Variants in KIF3B observed in about 807,000 individuals in gnomAD.
The protein encoded by KIF3B is kinesin-like protein KIF3B.
Under a neutral mutation model 74.3 loss-of-function variants are expected in KIF3B, and 38 were observed. The observed-to-expected ratio is 0.51, with a 90% CI of 0.39 to 0.67. KIF3B has a LOEUF of 0.67. KIF3B is among the 30% of genes least tolerant of loss of function. The pLI, the probability that KIF3B is intolerant of heterozygous loss-of-function variation, is 0.00. For synonymous variants in KIF3B, 326 were observed against 342.5 expected (o/e 0.95, Z 0.53); for missense variants, 649 against 932.0 (o/e 0.70, Z 3.95).
At chr20:32,320,038 G>A (rs539563675) in intron 5 of KIF3B, among the ~76,000 whole-genome samples, 4 of 152,008 alleles carry the variant, frequency 2.6e-5, no homozygotes, top group Admixed American at 2.0e-4. Context: ...GGGACTATAG[G>A]CATGTGCCAC....
At chr20:32,292,085 A>G (rs1475821085) in intron 1 of KIF3B, among the ~76,000 whole-genome samples, 1 of 151,724 alleles carries the variant, frequency 6.6e-6, no homozygotes, top group Non-Finnish European at 1.5e-5. Flanking sequence ...ACAGGCATAT[A>G]CCACCGCACC....
At chr20:32,324,945 C>T (rs958093383) in intron 5 of KIF3B, among the ~76,000 whole-genome samples, 3 of 152,100 alleles carry the variant, frequency 2.0e-5, no homozygotes, top group Non-Finnish European at 4.4e-5. Context: ...GCACGAGAAT[C>T]GCTTGAACCT....
chr20:32,294,055 G>A (rs1243931018), intron 1 of KIF3B, among the ~76,000 whole-genome samples: 2 of 152,102 alleles, frequency 1.3e-5, no homozygotes, highest in African/African-American at 2.4e-5. Context: ...GATTAAAAGA[G>A]GACTCACATT....
chr20:32,333,344 G>C lies in KIF3B; in HGVS notation c.*2025G>C, dbSNP rs556104168. The C allele has an allele frequency of 6.6e-6, 1 of 152,030 alleles. No homozygotes were observed. The allele number at this position is 152,030 out of a possible 1,614,324, so 9.4% of individuals were successfully genotyped here. ...GCAAATCTGAGAATTGAAAACTGCA[G>C]ATAACCGGCCGGGTATGGTGACTCA... is the stretch of plus-strand genomic sequence containing the variant. On this transcript the variant is annotated 3_prime_UTR_variant, in exon 9 of 9. Transcript: ENST00000375712.
Position 32,311,060 on chromosome 20 carries a change from T to C in KIF3B, c.1283T>C (p.Ile428Thr). ...AAACTGGAGATTGAGAAGCGGGCCATTGTAGAGGATCACAGCTTGGTTGCA... is the reference window on the plus strand; with the variant it reads ...AAACTGGAGATTGAGAAGCGGGCCACTGTAGAGGATCACAGCTTGGTTGCA... ...QEKLEIEKRA[I>T]VEDHSLVAEE... Residue 428 changes from isoleucine to threonine, a missense_variant, in exon 2 of 9, where the codon ATT (isoleucine) becomes ACT (threonine). This residue lies in a region of KIF3B where 363 missense variants were observed against 592.8 expected (regional missense o/e 0.61). Coordinates refer to ENST00000375712, the MANE Select transcript of KIF3B (RefSeq NM_004798.4). The C allele has an allele frequency of 6.2e-7, 1 of 1,613,422 alleles. No homozygotes were observed. Among genetic ancestry groups the C allele is most frequent in the South Asian group, 1.1e-5 (1 of 90,996 alleles).
At chr20:32,292,019 G>A (rs187343550) in intron 1 of KIF3B, among the ~76,000 whole-genome samples, 251 of 152,112 alleles carry the variant, frequency 1.7e-3, no homozygotes, top group Non-Finnish European at 2.5e-3. Context: ...GGCGGCTCAA[G>A]CAAACTCCTG....
chr20:32,287,353 G>T (rs555115233), intron 1 of KIF3B, among the ~76,000 whole-genome samples: 1 of 151,316 alleles, frequency 6.6e-6, no homozygotes, highest in Non-Finnish European at 1.5e-5. Flanking sequence ...ATAGGGTGTC[G>T]CTCCGTTGCC....
intron 1 of KIF3B, among the ~76,000 whole-genome samples, chr20:32,279,004 A>T (rs976551424): frequency 6.8e-6 from 1 of 146,820 alleles, no homozygotes; most frequent in African/African-American, 2.5e-5. Context: ...GCTCACTGCA[A>T]CCTCCGCCTC....
Position 32,327,637 on chromosome 20 carries a change from G to C in KIF3B, c.1944G>C (p.Met648Ile), listed in dbSNP as rs375576023. The change falls in exon 7 of 9, where the codon ATG (methionine) becomes ATC (isoleucine). Residue 648 changes from methionine (M) to isoleucine (I), a missense_variant. Coordinates refer to ENST00000375712, the MANE Select transcript of KIF3B (RefSeq NM_004798.4). ...PLSQHARMSM[M>I]IRPEARYRAE... is the part of the protein sequence containing the mutation. ...GCCAGCACGCAAGAATGTCCATGAT[G>C]ATTCGTCCAGAGGCCCGATATAGGG... 1 of 1,613,310 alleles carries C rather than the reference G, an allele frequency of 6.2e-7. No homozygotes were observed.
intron 5 of KIF3B, among the ~76,000 whole-genome samples, 191 bp downstream of exon 5, chr20:32,317,065 G>A (rs1043323653): frequency 3.3e-5 from 5 of 152,114 alleles, no homozygotes; most frequent in South Asian, 2.1e-4. Context: ...GTGAAACCCC[G>A]TCTCTACTAA....
At position 32,329,053 on chromosome 20, in the gene KIF3B, A is replaced by G. The variant is rs568012537; in HGVS notation, c.1969-1088A>G. Among the ~76,000 whole-genome samples, 332 of 152,266 alleles carry G rather than the reference A, an allele frequency of 2.2e-3. 2 individuals are homozygous for G. The highest frequency in any genetic ancestry group is 3.6e-3 in the Non-Finnish European group (243 of 68,026). On this transcript the variant is annotated intron_variant, in intron 7 of 8. Transcript: ENST00000375712. ...CTTCCTAGTAGCTGAGACTACAGGC[A>G]CATGCCACGACACCCAGCTAGTTTT...
intron 1 of KIF3B, among the ~76,000 whole-genome samples, chr20:32,293,226 C>G (rs957525282): frequency 6.6e-6 from 1 of 152,064 alleles, no homozygotes; most frequent in African/African-American, 2.4e-5. Context: ...TGCACTCCAG[C>G]CTGGGCAACT....
rs957017292 is a variant in KIF3B at position 32,290,641 on chromosome 20, C to T, written c.-66+12876C>T. ...ATCCCAGCACTTTGGGAGGCCAAGG[C>T]GGAAGGATTGCTTGAACCCAGGAGT... On this transcript the variant is annotated intron_variant, in intron 1 of 8. Transcript: ENST00000375712. Among the ~76,000 whole-genome samples, 3 of 152,036 alleles carry T rather than the reference C, an allele frequency of 2.0e-5. No homozygotes were observed. The South Asian group carries it at 6.2e-4, about 32-fold the overall frequency.
intron 1 of KIF3B, among the ~76,000 whole-genome samples, chr20:32,286,757 T>C (rs2122656368): frequency 6.6e-6 from 1 of 152,326 alleles, no homozygotes; most frequent in African/African-American, 2.4e-5. Context: ...AGTTCTCACC[T>C]GTTTCCTCCA....
rs561077285 is a variant in KIF3B at position 32,304,194 on chromosome 20, A to T, written c.-65-5519A>T. Among the ~76,000 whole-genome samples the T allele has an allele frequency of 2.0e-5, 3 of 152,346 alleles. No homozygotes were observed. In the East Asian group the frequency reaches 5.8e-4, roughly 29 times the overall value. ...AACAACTAGAAGAAATATGAAAAGC[A>T]ACTTTTTGTGTTTCCACTTGCTTAG... On this transcript the variant is annotated intron_variant, in intron 1 of 8. Coordinates refer to ENST00000375712, the MANE Select transcript of KIF3B (RefSeq NM_004798.4).
chr20:32,323,096 A>C (rs1336984574), intron 5 of KIF3B, among the ~76,000 whole-genome samples: 1 of 100,110 alleles, frequency 1.0e-5, no homozygotes, highest in Non-Finnish European at 1.9e-5. Context: ...ATTTATATTT[A>C]TATATTTATA....
chr20:32,287,307 G>A (rs2047671649), intron 1 of KIF3B, among the ~76,000 whole-genome samples: 1 of 149,612 alleles, frequency 6.7e-6, no homozygotes, highest in South Asian at 2.1e-4. Flanking sequence ...TGAGCCACCA[G>A]GCCCAATCTA....
rs1418140557 is a variant in KIF3B, at chr20:32,288,011, T to G, written c.-66+10246T>G. Among the ~76,000 whole-genome samples, 5 of 149,792 alleles carry G rather than the reference T, an allele frequency of 3.3e-5. 1 individual carries two copies. The East Asian group carries it at 1.0e-3, about 31-fold the overall frequency. On this transcript the variant is annotated intron_variant, in intron 1 of 8. Transcript: ENST00000375712. ...GATTCTCCTGCCTCAGCCTCCTGAG[T>G]ACCTGGGATTACAGGTGCACACCAC...
At chr20:32,293,560 A>G (rs994281911) in intron 1 of KIF3B, among the ~76,000 whole-genome samples, 5 of 151,112 alleles carry the variant, frequency 3.3e-5, no homozygotes, top group Non-Finnish European at 7.4e-5. Flanking sequence ...TGGCGAGCCA[A>G]CATCATGCCA....
Sources: gnomAD v4.1 joint callset for allele counts (sites outside exome capture counted in the v4.1 genomes callset) on GRCh38, gnomAD v4.1.1 for gene constraint, gnomAD v4.1.1 regional missense constraint, MANE v1.5 for transcripts, NCBI Gene and HGNC (gene_info 2026-07-23, HGNC 2026-07-21) for gene names.